The following AGMO variants were observed in gnomAD, a reference collection of about 807,000 sequenced individuals.
AGMO encodes the protein alkylglycerol monooxygenase.
AGMO carries 75 observed loss-of-function variants against 60.2 expected under a neutral mutation model. The observed-to-expected ratio is 1.25, with a 90% confidence interval of 1.03 to 1.51. The LOEUF (loss-of-function observed/expected upper bound fraction) is 1.51. Ranked by LOEUF, AGMO falls within the 40% of genes most tolerant of loss-of-function variation. The pLI is 0.00. For synonymous variants in AGMO, 261 were observed against 177.1 expected, an observed-to-expected ratio of 1.47 and a Z score of -3.76; for missense variants, 763 against 525.5, an observed-to-expected ratio of 1.45 and a Z score of -4.42.
rs368556942 is a variant in AGMO, at chr7:15,293,045, G to C, written c.1263+72469C>G. Among the ~76,000 whole-genome samples, 3 of 152,060 alleles carry C rather than the reference G, an allele frequency of 2.0e-5. No homozygotes were observed. The East Asian group carries it at 5.8e-4, about 29-fold the overall frequency. On this transcript the variant is annotated intron_variant, in intron 12 of 12. Coordinates refer to ENST00000342526, the MANE Select transcript of AGMO (RefSeq NM_001004320.2). ...CCCAAAGTGCTGGGATTACAAGTGT[G>C]AGCCACTGCATCCGGCTCTTCCTCC...
chr7:15,124,650 T>C, the AGMO span, among the ~76,000 whole-genome samples: 2 of 152,144 alleles, frequency 1.3e-5, no homozygotes, highest in Admixed American at 6.6e-5. Context: ...TCCAACTCTT[T>C]AGAATTCAAA....
chr7:15,230,369 G>A (rs1447653070), intron 12 of AGMO, among the ~76,000 whole-genome samples: 1 of 151,880 alleles, frequency 6.6e-6, no homozygotes, highest in Non-Finnish European at 1.5e-5. Flanking sequence ...AAATACAATC[G>A]AGGAGTTCAT....
At chr7:15,117,937 T>C in the AGMO span, among the ~76,000 whole-genome samples, 59 of 152,000 alleles carry the variant, frequency 3.9e-4, no homozygotes, top group Non-Finnish European at 1.0e-4. Flanking sequence ...TAATTGAAAC[T>C]GCGAAGTTTG....
In AGMO at chr7:15,341,473, C is replaced by T. The variant is rs1781844456; in HGVS notation, c.1263+24041G>A. ...ACCATCTCAGCCTAGACTTTATTGTCCATATCACTATCAGCATTTTGGTCA... is the reference window on the plus strand; with the variant it reads ...ACCATCTCAGCCTAGACTTTATTGTTCATATCACTATCAGCATTTTGGTCA... On this transcript the variant is annotated intron_variant, in intron 12 of 12. Coordinates refer to ENST00000342526, the MANE Select transcript of AGMO (RefSeq NM_001004320.2). Among the ~76,000 whole-genome samples the T allele has an allele frequency of 2.0e-5, 3 of 152,216 alleles. No individual in the cohort carries two copies. The South Asian group carries it at 6.2e-4, about 32-fold the overall frequency.
At chr7:15,282,105 G>C (rs1783983528) in intron 12 of AGMO, among the ~76,000 whole-genome samples, 1 of 151,988 alleles carries the variant, frequency 6.6e-6, no homozygotes, top group South Asian at 2.1e-4. Flanking sequence ...GAAATAATTA[G>C]AACATATAGT....
chr7:15,304,592 T>C (rs1215728433), intron 12 of AGMO, among the ~76,000 whole-genome samples: 2 of 152,132 alleles, frequency 1.3e-5, no homozygotes, highest in Non-Finnish European at 2.9e-5. Flanking sequence ...AAAAATCTTA[T>C]TTATTCAGTT....
At chr7:15,365,688 A>T in intron 11 of AGMO, 69 bp from the exon 12 acceptor site, 1 of 1,035,984 alleles carries the variant, frequency 9.7e-7, no homozygotes, top group South Asian at 1.5e-5. Flanking sequence ...TGTTATAATT[A>T]ATATAAACTT....
At chr7:15,183,931 C>A in the AGMO span, among the ~76,000 whole-genome samples, 217 of 152,234 alleles carry the variant, frequency 1.4e-3, no homozygotes, top group African/African-American at 4.9e-3. Flanking sequence ...TGTCCCTTCC[C>A]AAGCACAGTT....
chr7:15,549,605 A>T, intron 2 of AGMO, among the ~76,000 whole-genome samples: 1 of 149,518 alleles, frequency 6.7e-6, no homozygotes, highest in African/African-American at 2.5e-5. Context: ...TCAATTCAAC[A>T]AGAAGAGCTA....
chr7:15,213,431 C>A (rs184360169), intron 12 of AGMO, among the ~76,000 whole-genome samples: 1 of 151,572 alleles, frequency 6.6e-6, no homozygotes, highest in East Asian at 1.9e-4. Context: ...ATAAAAATGA[C>A]CAACACAATA....
intron 3 of AGMO, among the ~76,000 whole-genome samples, chr7:15,538,999 T>C (rs1350790813): frequency 6.6e-6 from 1 of 152,140 alleles, no homozygotes; most frequent in Admixed American, 6.5e-5. Flanking sequence ...ATTACAACAG[T>C]TTTGGATGAT....
At chr7:15,251,658 G>A (rs1782941912) in intron 12 of AGMO, among the ~76,000 whole-genome samples, 3 of 152,308 alleles carry the variant, frequency 2.0e-5, no homozygotes, top group Non-Finnish European at 2.9e-5. Flanking sequence ...CTACGCAGAA[G>A]GATCTAGGAC....
chr7:15,489,541 C>T (rs1783014658), intron 3 of AGMO, among the ~76,000 whole-genome samples: 1 of 152,152 alleles, frequency 6.6e-6, no homozygotes, highest in African/African-American at 2.4e-5. Context: ...ATTTATGGAG[C>T]TCCCACTAAC....
chr7:15,306,648 A>G, intron 12 of AGMO: 2 of 371,196 alleles, frequency 5.4e-6, no homozygotes, highest in Non-Finnish European at 1.1e-5. Flanking sequence ...TGGCACTATT[A>G]AGGATTGTTA....
At chr7:15,339,720 T>C (rs1781775030) in intron 12 of AGMO, among the ~76,000 whole-genome samples, 1 of 152,176 alleles carries the variant, frequency 6.6e-6, no homozygotes, top group African/African-American at 2.4e-5. Context: ...CCAATATCCC[T>C]TTATCCTTAA....
chr7:15,218,327 A>ATGTATGTG (rs1554396501), intron 12 of AGMO, among the ~76,000 whole-genome samples: 1 of 143,930 alleles, frequency 6.9e-6, no homozygotes, highest in Non-Finnish European at 1.5e-5. Context: ...TGGTGTGTGT[A>ATGTATGTG]TGTGTGTGTG....
intron 12 of AGMO, among the ~76,000 whole-genome samples, chr7:15,359,571 G>A (rs1782675577): frequency 6.6e-6 from 1 of 152,018 alleles, no homozygotes; most frequent in African/African-American, 2.4e-5. Flanking sequence ...TCTTAAATAT[G>A]AGTCCAATGA....
rs1783292106 is a variant in AGMO at position 15,262,171 on chromosome 7, T to A, written c.1264-60812A>T. Among the ~76,000 whole-genome samples the A allele has an allele frequency of 2.0e-5, 3 of 152,136 alleles. No individual in the cohort carries two copies. In the South Asian group the frequency reaches 6.2e-4, roughly 32 times the overall value. ...GAGAAGGAAATCAAGGCCATCCAAA[T>A]CAGTAAAGAAGAAGTCAAACTGTCA... On this transcript the variant is annotated intron_variant, in intron 12 of 12. Transcript: ENST00000342526.
At chr7:15,528,670 G>A (rs951279884) in intron 3 of AGMO, among the ~76,000 whole-genome samples, 7 of 151,822 alleles carry the variant, frequency 4.6e-5, no homozygotes, top group Non-Finnish European at 1.0e-4. Context: ...ATTTTGAGAC[G>A]GAGTTTCACT....
Sources: gnomAD v4.1 joint callset for allele counts (sites outside exome capture counted in the v4.1 genomes callset) on GRCh38, gnomAD v4.1.1 for gene constraint, MANE v1.5 for transcripts, NCBI Gene and HGNC (gene_info 2026-07-23, HGNC 2026-07-21) for gene names.